The following NR1H4 variants were observed in gnomAD, a reference collection of about 807,000 sequenced individuals.
The protein encoded by NR1H4 is nuclear receptor subfamily 1 group H member 4.
In NR1H4, 23 loss-of-function variants were observed where a neutral mutation model predicts 58.5. The ratio of observed to expected loss-of-function variants is 0.39; its 90% CI spans 0.28 to 0.56. NR1H4 has a LOEUF of 0.56. NR1H4 is among the 20% of genes least tolerant of loss of function. NR1H4 has a pLI of 0.58. For synonymous variants in NR1H4, 214 were observed against 198.0 expected (o/e 1.08, Z -0.68); for missense variants, 487 against 576.9 (o/e 0.84, Z 1.60).
chr12:100,514,483 G>T (rs1435014676), intron 4 of NR1H4, among the ~76,000 whole-genome samples: 1 of 152,152 alleles, frequency 6.6e-6, no homozygotes, highest in Admixed American at 6.5e-5. Flanking sequence ...AAACTCTGTT[G>T]TGGGGGGATG....
chr12:100,513,332 C>T lies in NR1H4; in HGVS notation c.445+2189C>T, dbSNP rs572199641. On this transcript the variant is annotated intron_variant, in intron 4 of 10. Transcript: ENST00000392986. ...CACATTAAAATTTTTTTTTACAATA[C>T]TTAATTCTTTCCCATCTCCGAATGA... 1.4e-4 allele frequency among the ~76,000 whole-genome samples: 21 copies of T among 152,242 alleles called. No individual in the cohort carries two copies. In the South Asian group the frequency reaches 3.9e-3, roughly 29 times the overall value.
At chr12:100,513,832 GGAAGGAAGGAAGGAA>G (rs1395954207) in intron 4 of NR1H4, among the ~76,000 whole-genome samples, 1 of 141,772 alleles carries the variant, frequency 7.1e-6, no homozygotes, top group African/African-American at 2.5e-5. Context: ...AAGGAAGGAA[GGAAGGAAGGAAGGAA>G]GGAAGGAAGG....
At chr12:100,505,598 C>G (rs1377851154) in intron 3 of NR1H4, 3 of 701,736 alleles carry the variant, frequency 4.3e-6, no homozygotes, top group Admixed American at 4.0e-5. Context: ...CCCCTGGAGT[C>G]CATCCATGTG....
intron 9 of NR1H4, 99 bp downstream of exon 9, chr12:100,540,917 T>A (rs944337942): frequency 3.7e-6 from 4 of 1,075,974 alleles, no homozygotes; most frequent in Non-Finnish European, 4.3e-6. Context: ...CAATGTTATA[T>A]GCCTGTTGTG....
intron 9 of NR1H4, among the ~76,000 whole-genome samples, chr12:100,543,056 C>T (rs1030883618): frequency 1.3e-5 from 2 of 151,880 alleles, no homozygotes; most frequent in African/African-American, 4.8e-5. Flanking sequence ...TGAGAGAGCT[C>T]CGAAAAAGTT....
intron 5 of NR1H4, among the ~76,000 whole-genome samples, chr12:100,532,896 C>T (rs1593104473): frequency 6.6e-6 from 1 of 152,160 alleles, no homozygotes; most frequent in Non-Finnish European, 1.5e-5. Flanking sequence ...CTTTAATGAG[C>T]TACGAATGAC....
chr12:100,510,706 A>G, intron 3 of NR1H4, 72 bp from the exon 4 acceptor site: 1 of 1,571,822 alleles, frequency 6.4e-7, no homozygotes, highest in Non-Finnish European at 8.7e-7. Flanking sequence ...ACTCCTAACC[A>G]TTACGCCAAA....
intron 9 of NR1H4, among the ~76,000 whole-genome samples, chr12:100,548,443 A>T (rs887832933): frequency 6.6e-5 from 10 of 151,874 alleles, no homozygotes; most frequent in African/African-American, 2.4e-4. Flanking sequence ...CTAAACCTTC[A>T]GAACAGGCAA....
chr12:100,484,245 C>A (rs1953443527), intron 1 of NR1H4, among the ~76,000 whole-genome samples: 1 of 152,160 alleles, frequency 6.6e-6, no homozygotes, highest in Non-Finnish European at 1.5e-5. Flanking sequence ...CTTCATCCTC[C>A]AAGCACTAAG....
intron 1 of NR1H4, among the ~76,000 whole-genome samples, chr12:100,492,174 A>T (rs1953618928): frequency 6.6e-6 from 1 of 152,208 alleles, no homozygotes; most frequent in Non-Finnish European, 1.5e-5. Context: ...AAATGAAGGA[A>T]ACAGGTTTCT....
At chr12:100,496,030 T>C (rs1217524511) in intron 3 of NR1H4, among the ~76,000 whole-genome samples, 1 of 152,144 alleles carries the variant, frequency 6.6e-6, no homozygotes, top group Non-Finnish European at 1.5e-5. Flanking sequence ...TGGTTAACTG[T>C]GTATTGAAAA....
chr12:100,542,718 A>C (rs1290417328), intron 9 of NR1H4, among the ~76,000 whole-genome samples: 1 of 152,254 alleles, frequency 6.6e-6, no homozygotes. Context: ...CATCTGTGAT[A>C]TAAGTGAAAT....
At chr12:100,485,437 C>A (rs1953470318) in intron 1 of NR1H4, among the ~76,000 whole-genome samples, 1 of 152,164 alleles carries the variant, frequency 6.6e-6, no homozygotes, top group Non-Finnish European at 1.5e-5. Flanking sequence ...TTATATCAAA[C>A]TGTATGTATT....
chr12:100,539,599 G>T (rs1322339196), intron 8 of NR1H4, among the ~76,000 whole-genome samples: 1 of 152,142 alleles, frequency 6.6e-6, no homozygotes, highest in East Asian at 1.9e-4. Flanking sequence ...GCATGCACAT[G>T]AGCTTGTGTT....
At chr12:100,475,954 G>A (rs1254748574) in intron 1 of NR1H4, among the ~76,000 whole-genome samples, 1 of 152,018 alleles carries the variant, frequency 6.6e-6, no homozygotes, top group South Asian at 2.1e-4. Context: ...GACTGGTCTC[G>A]AACTCTTGAC....
At chr12:100,492,087 C>G (rs182386760) in intron 1 of NR1H4, among the ~76,000 whole-genome samples, 1 of 152,230 alleles carries the variant, frequency 6.6e-6, no homozygotes, top group Admixed American at 6.5e-5. Context: ...GCCATTTTAT[C>G]TTCAAATATC....
chr12:100,551,020 C>T (rs369042617), intron 9 of NR1H4, among the ~76,000 whole-genome samples: 87 of 152,164 alleles, frequency 5.7e-4, no homozygotes, highest in East Asian at 9.7e-4. Flanking sequence ...CAAAAGAGTG[C>T]GAGGAAATTA....
chr12:100,507,456 GTTTTGTTTTTGT>G (rs146177870), intron 3 of NR1H4, among the ~76,000 whole-genome samples: 1 of 151,254 alleles, frequency 6.6e-6, no homozygotes, highest in Non-Finnish European at 1.5e-5. Flanking sequence ...ATTTTATTTT[GTTTTGTTTTTGT>G]TTTTGTTTTT....
intron 4 of NR1H4, among the ~76,000 whole-genome samples, chr12:100,513,520 G>A (rs914945254): frequency 3.9e-5 from 6 of 152,070 alleles, no homozygotes; most frequent in African/African-American, 9.7e-5. Flanking sequence ...TAGGCCGGAC[G>A]CTGTGGTTCA....
Sources: gnomAD v4.1 joint callset for allele counts (sites outside exome capture counted in the v4.1 genomes callset) on GRCh38, gnomAD v4.1.1 for gene constraint, MANE v1.5 for transcripts, NCBI Gene and HGNC (gene_info 2026-07-23, HGNC 2026-07-21) for gene names.